Variants in CTNNA2 observed in about 807,000 individuals in gnomAD.
CTNNA2 encodes the protein catenin alpha 2.
A neutral mutation model predicts 101.0 loss-of-function variants in CTNNA2; 42 were observed. The observed-to-expected ratio is 0.42, with a 90% CI of 0.32 to 0.54. The LOEUF (loss-of-function observed/expected upper bound fraction) is 0.54, where lower values mean the gene tolerates loss of function less well. Ranked by LOEUF, CTNNA2 falls within the 20% of genes least tolerant of loss-of-function variation. CTNNA2 has a pLI of 0.14. For missense variants in CTNNA2, 871 were observed against 1,223.1 expected, an observed-to-expected ratio of 0.71 and a Z score of 4.29; for synonymous variants, 450 against 456.4, an observed-to-expected ratio of 0.99 and a Z score of 0.18.
chr2:79,995,890 A>G (rs1205351762), intron 7 of CTNNA2, among the ~76,000 whole-genome samples: 1 of 152,132 alleles, frequency 6.6e-6, no homozygotes, highest in Non-Finnish European at 1.5e-5. Context: ...TTTTAATTCA[A>G]AAAAAAGTGA....
At chr2:80,419,174 G>C (rs1245322151) in intron 8 of CTNNA2, among the ~76,000 whole-genome samples, 1 of 152,182 alleles carries the variant, frequency 6.6e-6, no homozygotes, top group Admixed American at 6.5e-5. Context: ...GTCAATGAAG[G>C]ATGAGAGAAG....
At chr2:79,364,778 A>C (rs976817936) in intron 3 of CTNNA2, among the ~76,000 whole-genome samples, 2 of 152,160 alleles carry the variant, frequency 1.3e-5, no homozygotes, top group Admixed American at 1.3e-4. Context: ...ATGTTAACTA[A>C]AGACTGAATT....
intron 7 of CTNNA2, among the ~76,000 whole-genome samples, chr2:80,210,602 C>A (rs918818246): frequency 1.1e-4 from 16 of 152,132 alleles, no homozygotes; most frequent in Admixed American, 6.5e-5. Context: ...TTTTCTTAAT[C>A]CAGTCTATCA....
intron 4 of CTNNA2, among the ~76,000 whole-genome samples, chr2:79,491,587 C>T (rs1038253286): frequency 2.6e-5 from 4 of 152,178 alleles, no homozygotes; most frequent in African/African-American, 9.7e-5. Context: ...AGGAAAGCTT[C>T]TCAGAAGAGT....
At position 79,736,684 on chromosome 2, in the gene CTNNA2, T is replaced by A. The variant is rs184340808; in HGVS notation, c.103-7703T>A. The stretch of plus-strand genomic sequence containing the variant: ...TTTTACTTGTTTTAAATTTTAATTC[T>A]TTTAGGTTGTGGCAGCAATTGAAGC... On this transcript the variant is annotated intron_variant, in intron 2 of 18. Coordinates refer to ENST00000402739, the MANE Select transcript of CTNNA2 (RefSeq NM_001282597.3). Among the ~76,000 whole-genome samples, 70 of 152,322 alleles carry A rather than the reference T, an allele frequency of 4.6e-4. No homozygotes were observed. In the East Asian group the frequency reaches 0.014, roughly 29 times the overall value.
chr2:80,280,988 G>T (rs1674336629), intron 7 of CTNNA2, among the ~76,000 whole-genome samples: 1 of 152,096 alleles, frequency 6.6e-6, no homozygotes, highest in African/African-American at 2.4e-5. Context: ...CCTTTGGTGA[G>T]TTGATTTTCC....
intron 7 of CTNNA2, among the ~76,000 whole-genome samples, chr2:80,099,137 C>T (rs907161482): frequency 1.3e-5 from 2 of 151,928 alleles, no homozygotes; most frequent in Non-Finnish European, 2.9e-5. Context: ...CGTATTCGGC[C>T]ATCTTGACTC....
intron 2 of CTNNA2, among the ~76,000 whole-genome samples, chr2:79,278,854 G>T (rs1310395114): frequency 6.6e-6 from 1 of 152,086 alleles, no homozygotes; most frequent in African/African-American, 2.4e-5. Flanking sequence ...TGCTGTGGCT[G>T]GAATAGAGGA....
At position 80,302,650 on chromosome 2, in the gene CTNNA2, C is replaced by A. The variant is rs200884012; in HGVS notation, c.1057-90561C>A. ...CCCCGCCGTCCGCGAGCGTGGTGGC[C>A]GAGCTGGCAGGGGGCCCCAGATCAC... On this transcript the variant is annotated intron_variant, in intron 7 of 18. Transcript: ENST00000402739. This position sits in a 1 kb window ranked among gnomAD's most constrained non-coding sequence, Gnocchi z 6.4. 8 of 1,608,760 alleles carry A rather than the reference C, an allele frequency of 5.0e-6. No homozygotes were observed. The highest frequency in any genetic ancestry group is 6.8e-6 in the Non-Finnish European group (8 of 1,178,702).
At chr2:79,914,166 CAAA>C (rs55675912) in intron 7 of CTNNA2, among the ~76,000 whole-genome samples, 113 of 90,584 alleles carry the variant, frequency 1.2e-3, no homozygotes, top group Non-Finnish European at 2.1e-3. Context: ...GACTCCGTCT[CAAA>C]AAAAAAAAAA....
At chr2:79,541,783 C>T (rs528029607) in intron 1 of CTNNA2, among the ~76,000 whole-genome samples, 186 of 151,984 alleles carry the variant, frequency 1.2e-3, no homozygotes, top group East Asian at 2.5e-3. Flanking sequence ...TGCGCCACCA[C>T]GCCCAACTAA....
At chr2:79,285,397 A>G (rs1159122876) in intron 2 of CTNNA2, among the ~76,000 whole-genome samples, 13 of 149,386 alleles carry the variant, frequency 8.7e-5, no homozygotes, top group Non-Finnish European at 1.8e-4. Context: ...ATTTAGTGCT[A>G]TAAATTTCCC....
chr2:79,530,101 C>A (rs1344592541), intron 1 of CTNNA2, among the ~76,000 whole-genome samples: 2 of 152,082 alleles, frequency 1.3e-5, no homozygotes, highest in Admixed American at 1.3e-4. Context: ...GGGAGGTTAG[C>A]TTTGTTTTCT....
intron 6 of CTNNA2, 91 bp downstream of exon 6, chr2:79,874,433 T>A (rs1163451248): frequency 7.0e-7 from 1 of 1,425,786 alleles, no homozygotes; most frequent in Non-Finnish European, 9.5e-7. Context: ...CTACAATAAT[T>A]TACATTGATT....
intron 4 of CTNNA2, among the ~76,000 whole-genome samples, chr2:79,490,213 G>A (rs1671195270): frequency 6.6e-6 from 1 of 152,082 alleles, no homozygotes; most frequent in South Asian, 2.1e-4. Context: ...TAACCTTTCT[G>A]TAGAATCAGA....
At position 80,334,221 on chromosome 2, in the gene CTNNA2, C is replaced by T. The variant is rs961755260; in HGVS notation, c.1057-58990C>T. 3.3e-5 allele frequency among the ~76,000 whole-genome samples: 5 copies of T among 152,308 alleles called. No homozygotes were observed. In the East Asian group the frequency reaches 5.8e-4, roughly 18 times the overall value. On this transcript the variant is annotated intron_variant, in intron 7 of 18. Transcript: ENST00000402739. ...CTCAGCTAAAGCAATGGATCTTTCT[C>T]GTCCACTCTTGCATCTGTTCTGTTT...
chr2:80,635,263 T>C (rs1345618159), intron 18 of CTNNA2, among the ~76,000 whole-genome samples: 1 of 152,020 alleles, frequency 6.6e-6, no homozygotes, highest in Non-Finnish European at 1.5e-5. Context: ...AGAAAATGAT[T>C]TGGAGGGCAT....
chr2:80,228,852 A>G (rs1345742765), intron 7 of CTNNA2, among the ~76,000 whole-genome samples: 2 of 152,168 alleles, frequency 1.3e-5, no homozygotes, highest in Non-Finnish European at 2.9e-5. Flanking sequence ...CCTTGAATAT[A>G]TTACTTCACT....
intron 7 of CTNNA2, among the ~76,000 whole-genome samples, chr2:80,234,684 G>A (rs571570877): frequency 2.0e-4 from 31 of 152,208 alleles, no homozygotes; most frequent in Admixed American, 5.2e-4. Flanking sequence ...CAGTTGAGAG[G>A]AGCAGGATTG....
Sources: gnomAD v4.1 joint callset for allele counts (sites outside exome capture counted in the v4.1 genomes callset) on GRCh38, gnomAD v4.1.1 for gene constraint, Gnocchi (gnomAD v3.1) non-coding constraint, MANE v1.5 for transcripts, NCBI Gene and HGNC (gene_info 2026-07-23, HGNC 2026-07-21) for gene names.